ZFHX3: variants seen among roughly 807,000 people sequenced by gnomAD.
ZFHX3 encodes zinc finger homeobox protein 3.
In ZFHX3, 42 loss-of-function variants were observed where a neutral mutation model predicts 279.1. The observed-to-expected ratio is 0.15, with a 90% CI of 0.12 to 0.19. The LOEUF is 0.19. Among genes scored for constraint, ZFHX3 ranks in the 10% least tolerant of loss-of-function variants. The pLI is 1.00. For missense variants in ZFHX3, 4,981 were observed against 4,754.0 expected (o/e 1.05, Z -1.40); for synonymous variants, 2,293 against 1,957.8 (o/e 1.17, Z -4.52).
chr16:73,629,985 T>C (rs1464541356), intron 2 of ZFHX3, among the ~76,000 whole-genome samples: 1 of 152,202 alleles, frequency 6.6e-6, no homozygotes, highest in Non-Finnish European at 1.5e-5. Context: ...TATATCCTTG[T>C]AGCATTTGGC....
chr16:73,265,997 C>A (rs1177803044), intron 4 of ZFHX3, among the ~76,000 whole-genome samples: 2 of 152,174 alleles, frequency 1.3e-5, no homozygotes, highest in East Asian at 3.9e-4. Flanking sequence ...CCATTGCTAA[C>A]AGAGAGTAGA....
At chr16:72,951,490 G>A (rs1960999721) in intron 2 of ZFHX3, among the ~76,000 whole-genome samples, 1 of 152,160 alleles carries the variant, frequency 6.6e-6, no homozygotes, top group South Asian at 2.1e-4. Context: ...TTGAACTCCT[G>A]ACCTCAGCTG....
At chr16:73,476,772 A>T (rs2018773228) in intron 2 of ZFHX3, among the ~76,000 whole-genome samples, 1 of 152,222 alleles carries the variant, frequency 6.6e-6, no homozygotes, top group African/African-American at 2.4e-5. Flanking sequence ...TTCATTTTCA[A>T]TGTTAAACTA....
At chr16:72,932,279 A>C (rs892469094) in intron 3 of ZFHX3, among the ~76,000 whole-genome samples, 1 of 152,324 alleles carries the variant, frequency 6.6e-6, no homozygotes. Context: ...TGATAAAATT[A>C]TGTCAGTGAA....
intron 5 of ZFHX3, among the ~76,000 whole-genome samples, chr16:73,174,863 C>CAAAAAAAAAAAAA (rs34447211): frequency 2.3e-5 from 2 of 86,828 alleles, no homozygotes; most frequent in African/African-American, 8.2e-5. Flanking sequence ...ACTAAAAATA[C>CAAAAAAAAAAAAA]AAAAAAAAAA....
chr16:73,166,983 C>T (rs1457374481), intron 5 of ZFHX3, among the ~76,000 whole-genome samples: 1 of 152,146 alleles, frequency 6.6e-6, no homozygotes. Context: ...ATGATTTCCC[C>T]GAATGAGATC....
exon 3 of ZFHX3, chr16:73,456,211 G>C (rs2018368486): frequency 1.3e-5 from 2 of 152,060 alleles, no homozygotes; most frequent in African/African-American, 4.8e-5. Flanking sequence ...AACTTGACAG[G>C]GTCGTGAGAC....
chr16:73,881,726 G>C (rs1333269252), intron 1 of ZFHX3, among the ~76,000 whole-genome samples: 1 of 151,630 alleles, frequency 6.6e-6, no homozygotes, highest in South Asian at 2.1e-4. Context: ...GATGGAGATG[G>C]GATATATATG....
chr16:73,349,451 TGA>T (rs1160446007), intron 3 of ZFHX3, among the ~76,000 whole-genome samples: 1 of 143,728 alleles, frequency 7.0e-6, no homozygotes, highest in Admixed American at 7.0e-5. Context: ...AGCAGTTGTG[TGA>T]ATAAAAGGTG....
intron 2 of ZFHX3, among the ~76,000 whole-genome samples, chr16:73,560,161 A>G (rs2020348426): frequency 6.6e-6 from 1 of 152,192 alleles, no homozygotes. Context: ...CCAAATGTTA[A>G]AGTCATAAGA....
At chr16:73,291,590 G>C (rs1469999268) in intron 4 of ZFHX3, among the ~76,000 whole-genome samples, 2 of 152,202 alleles carry the variant, frequency 1.3e-5, no homozygotes, top group Admixed American at 1.3e-4. Flanking sequence ...CCTGAAGTGT[G>C]AACAGCATCT....
intron 1 of ZFHX3, among the ~76,000 whole-genome samples, chr16:73,700,791 A>G (rs570379983): frequency 6.6e-6 from 1 of 152,354 alleles, no homozygotes; most frequent in Non-Finnish European, 1.5e-5. Flanking sequence ...TTTGAATTCC[A>G]ATACATGTAA....
chr16:73,043,324 G>A (rs1225692235), intron 1 of ZFHX3, among the ~76,000 whole-genome samples: 1 of 152,130 alleles, frequency 6.6e-6, no homozygotes, highest in Non-Finnish European at 1.5e-5. Context: ...TCACCCAAAA[G>A]GCAGATGAAG....
rs1438751535 is a variant in ZFHX3, at chr16:73,026,419, C to A, written c.-50+21333G>T. Among the ~76,000 whole-genome samples the A allele has an allele frequency of 2.0e-5, 3 of 151,962 alleles. No homozygotes were observed. The East Asian group carries it at 5.8e-4, about 29-fold the overall frequency. ...AGTCATAGTGGCTCACGCCTGTAAT[C>A]CCAACACTTTGGGAGGCCAAGGCGG... On this transcript the variant is annotated intron_variant, in intron 1 of 9. Coordinates refer to ENST00000268489, the MANE Select transcript of ZFHX3 (RefSeq NM_006885.4).
Position 72,784,213 on chromosome 16 carries a change from ACT to A in ZFHX3, c.*2949_*2950del, listed in dbSNP as rs1409210104. On this transcript the variant is annotated 3_prime_UTR_variant, in exon 10 of 10. Transcript: ENST00000268489. Reference sequence around the variant, plus strand: ...ATGGCATAACAAAACACTGACAGTCACTCTGCCTCACAGAGGGAGGATGGCAT... The same window carrying A: ...ATGGCATAACAAAACACTGACAGTCACTGCCTCACAGAGGGAGGATGGCAT... 1.3e-5 allele frequency: 2 copies of A among 152,042 alleles called. No individual in the cohort carries two copies. The highest frequency in any genetic ancestry group is 4.9e-5 in the African/African-American group (2 of 41,174). The allele number at this position is 152,042 out of a possible 1,614,324, so 9.4% of individuals were successfully genotyped here.
At chr16:73,782,947 A>G (rs938668607) in intron 1 of ZFHX3, among the ~76,000 whole-genome samples, 1 of 152,244 alleles carries the variant, frequency 6.6e-6, no homozygotes, top group Non-Finnish European at 1.5e-5. Flanking sequence ...AACTAACTCA[A>G]TAGGTGAAAA....
chr16:73,890,080 C>A (rs921243417), intron 1 of ZFHX3, among the ~76,000 whole-genome samples: 13 of 152,166 alleles, frequency 8.5e-5, no homozygotes, highest in Non-Finnish European at 1.8e-4. Context: ...TCTAGGAAGT[C>A]CATTCTCCCA....
chr16:73,284,559 G>T (rs150878216), intron 4 of ZFHX3, among the ~76,000 whole-genome samples: 7 of 152,218 alleles, frequency 4.6e-5, no homozygotes, highest in African/African-American at 9.6e-5. Flanking sequence ...ATGTCACCGA[G>T]TATGAAATAC....
chr16:73,596,180 C>A (rs1264885966), intron 2 of ZFHX3, among the ~76,000 whole-genome samples: 4 of 151,916 alleles, frequency 2.6e-5, no homozygotes, highest in Admixed American at 2.0e-4. Context: ...TGCCACCACG[C>A]CCGGCTAATT....
Sources: allele counts gnomAD v4.1 joint callset (sites outside exome capture counted in the v4.1 genomes callset), GRCh38; gene constraint gnomAD v4.1.1; transcripts MANE v1.5; gene names NCBI Gene and HGNC (gene_info 2026-07-23, HGNC 2026-07-21).